SPTLC2: variants seen among roughly 807,000 people sequenced by gnomAD.
SPTLC2 encodes the protein serine palmitoyltransferase 2.
In SPTLC2, 21 loss-of-function variants were observed where a neutral mutation model predicts 62.0. That is an observed-to-expected ratio of 0.34 (90% CI 0.24 to 0.49). The LOEUF (loss-of-function observed/expected upper bound fraction) is 0.49, where lower values mean the gene tolerates loss of function less well. Ranked by LOEUF, SPTLC2 falls within the 20% of genes least tolerant of loss-of-function variation. The pLI, the probability that SPTLC2 is intolerant of heterozygous loss-of-function variation, is 0.99. For missense variants in SPTLC2, 511 were observed against 713.0 expected (o/e 0.72, Z 3.23); for synonymous variants, 261 against 261.8 (o/e 1.00, Z 0.03).
intron 2 of SPTLC2, among the ~76,000 whole-genome samples, chr14:77,580,327 C>G (rs1451676669): frequency 6.6e-6 from 1 of 151,446 alleles, no homozygotes; most frequent in Non-Finnish European, 1.5e-5. Context: ...ACTAAAAATA[C>G]AAAAATTAGC....
At chr14:77,599,053 A>C (rs1348844485) in intron 1 of SPTLC2, among the ~76,000 whole-genome samples, 1 of 152,212 alleles carries the variant, frequency 6.6e-6, no homozygotes, top group East Asian at 1.9e-4. Context: ...TCATTCCCAA[A>C]CATCGTAAGA....
chr14:77,554,640 CA>C (rs1261077476), intron 8 of SPTLC2: 1 of 153,802 alleles, frequency 6.5e-6, no homozygotes, highest in Non-Finnish European at 1.4e-5. Flanking sequence ...ATTTTACTGA[CA>C]AGGAAACTGG....
Position 77,559,604 on chromosome 14 carries a change from T to C in SPTLC2, c.851-2458A>G, listed in dbSNP as rs185070818. 3.3e-3 allele frequency among the ~76,000 whole-genome samples: 509 copies of C among 152,184 alleles called. 2 individuals carry two copies. Among genetic ancestry groups the C allele is most frequent in the African/African-American group, 0.012 (486 of 41,532 alleles). On this transcript the variant is annotated intron_variant, in intron 6 of 11. Transcript: ENST00000216484. ...AACAAAGTCAAAAATATAAAAATAG[T>C]GCAGTCTGGGCATGGTGAATCACTC... is the stretch of plus-strand genomic sequence containing the variant.
intron 8 of SPTLC2, among the ~76,000 whole-genome samples, chr14:77,553,312 T>C (rs181086204): frequency 6.6e-6 from 1 of 152,328 alleles, no homozygotes; most frequent in East Asian, 1.9e-4. Flanking sequence ...AAATATATTG[T>C]ACTTTAATGA....
chr14:77,579,792 C>G (rs1325195455), intron 2 of SPTLC2, among the ~76,000 whole-genome samples: 1 of 152,122 alleles, frequency 6.6e-6, no homozygotes, highest in Non-Finnish European at 1.5e-5. Context: ...CATCAATTCT[C>G]TATGATTATT....
At chr14:77,543,594 T>G (rs987364563) in intron 9 of SPTLC2, among the ~76,000 whole-genome samples, 2 of 152,212 alleles carry the variant, frequency 1.3e-5, no homozygotes, top group Non-Finnish European at 2.9e-5. Flanking sequence ...TTGTAGGTTA[T>G]GTACTAAGTA....
Position 77,566,651 on chromosome 14 carries a change from G to A in SPTLC2, c.756+3733C>T, listed in dbSNP as rs528825686. ...TAATTTTTATATTTTTAGTAGAGAC[G>A]GGGTTTCACCGTGTTAGCCAGGATG... On this transcript the variant is annotated intron_variant, in intron 5 of 11. Transcript: ENST00000216484. Among the ~76,000 whole-genome samples, 523 of 152,156 alleles carry A rather than the reference G, an allele frequency of 3.4e-3. 2 individuals are homozygous for A. Among genetic ancestry groups the A allele is most frequent in the Middle Eastern group, 6.8e-3 (2 of 294 alleles).
At chr14:77,565,215 C>G (rs1270914175) in intron 5 of SPTLC2, among the ~76,000 whole-genome samples, 6 of 117,026 alleles carry the variant, frequency 5.1e-5, no homozygotes, top group African/African-American at 6.8e-5. Flanking sequence ...GCACTCCAGC[C>G]AGGGCAACAA....
intron 1 of SPTLC2, among the ~76,000 whole-genome samples, chr14:77,610,992 C>A (rs1328492298): frequency 2.1e-3 from 219 of 106,808 alleles, no homozygotes; most frequent in African/African-American, 2.5e-3. Context: ...CCCATCTCTA[C>A]AAAAAAAAAA....
intron 7 of SPTLC2, 115 bp from the exon 8 acceptor site, chr14:77,555,634 G>A: frequency 9.4e-7 from 1 of 1,065,146 alleles, no homozygotes; most frequent in Non-Finnish European, 1.4e-6. Flanking sequence ...TTTTTTTCTT[G>A]GGACAGAGTT....
In SPTLC2 at chr14:77,538,351, G is replaced by C. The variant is rs527807237; in HGVS notation, c.1303+13745C>G. Among the ~76,000 whole-genome samples the C allele has an allele frequency of 5.9e-5, 9 of 152,228 alleles. No individual in the cohort carries two copies. In the South Asian group the frequency reaches 1.9e-3, roughly 32 times the overall value. On this transcript the variant is annotated intron_variant, in intron 9 of 11. Transcript: ENST00000216484. ...TGCACACCCCATCATAATGGGGATG[G>C]GATCCTGTCTCTACCTGAGCTAATT...
chr14:77,597,517 G>A (rs551072414), intron 1 of SPTLC2, 137 bp from the exon 2 acceptor site: 69 of 777,100 alleles, frequency 8.9e-5, no homozygotes, highest in Non-Finnish European at 1.4e-4. Flanking sequence ...GCTCACACCT[G>A]TAATCCCAGC....
intron 9 of SPTLC2, among the ~76,000 whole-genome samples, chr14:77,536,367 G>GT (rs892468208): frequency 1.0e-3 from 151 of 147,790 alleles, no homozygotes; most frequent in Middle Eastern, 7.0e-3. Flanking sequence ...GTATTTTTTG[G>GT]TTTTTTTTTT....
At chr14:77,540,763 C>G (rs954052399) in intron 9 of SPTLC2, among the ~76,000 whole-genome samples, 1 of 152,126 alleles carries the variant, frequency 6.6e-6, no homozygotes, top group Admixed American at 6.6e-5. Context: ...CGTGAGCCAC[C>G]GCACCCAGCA....
intron 6 of SPTLC2, among the ~76,000 whole-genome samples, chr14:77,558,962 A>AT (rs2079600084): frequency 1.3e-5 from 2 of 152,300 alleles, no homozygotes; most frequent in South Asian, 4.1e-4. Context: ...CACAGGAATT[A>AT]TTTTAGTTTT....
intron 1 of SPTLC2, among the ~76,000 whole-genome samples, chr14:77,601,900 C>T (rs1018928908): frequency 1.2e-4 from 18 of 152,346 alleles, no homozygotes; most frequent in South Asian, 6.2e-4. Context: ...GTGCCGGTCA[C>T]GGACTCGGGA....
At chr14:77,546,993 G>A (rs981021178) in intron 9 of SPTLC2, among the ~76,000 whole-genome samples, 4 of 150,068 alleles carry the variant, frequency 2.7e-5, no homozygotes, top group African/African-American at 9.8e-5. Context: ...GCCTCCCAAA[G>A]TGCTGGGATT....
chr14:77,521,357 C>T (rs1208546717), intron 10 of SPTLC2, 89 bp downstream of exon 10: 9 of 1,547,128 alleles, frequency 5.8e-6, no homozygotes, highest in Non-Finnish European at 8.0e-6. Context: ...AGGACAAGAC[C>T]ATTTTCCCTA....
chr14:77,584,564 A>G (rs2079770799), intron 2 of SPTLC2, among the ~76,000 whole-genome samples: 1 of 152,182 alleles, frequency 6.6e-6, no homozygotes, highest in Non-Finnish European at 1.5e-5. Flanking sequence ...CCACTTAGGA[A>G]AGCAGCCAGA....
Sources: gnomAD v4.1 joint callset for allele counts (sites outside exome capture counted in the v4.1 genomes callset) on GRCh38, gnomAD v4.1.1 for gene constraint, MANE v1.5 for transcripts, NCBI Gene and HGNC (gene_info 2026-07-23, HGNC 2026-07-21) for gene names.